CSMD1: variants seen among roughly 807,000 people sequenced by gnomAD.
The protein encoded by CSMD1 is CUB and Sushi multiple domains 1, also known as CUB and sushi domain-containing protein 1.
A neutral mutation model predicts 417.5 loss-of-function variants in CSMD1; 213 were observed. That is an observed-to-expected ratio of 0.51 (90% CI 0.46 to 0.57). CSMD1 has a LOEUF of 0.57. Among genes scored for constraint, CSMD1 ranks in the 20% least tolerant of loss-of-function variants. The pLI, the probability that CSMD1 is intolerant of heterozygous loss-of-function variation, is 0.00. For missense variants in CSMD1, 6,923 were observed against 4,529.7 expected (o/e 1.53, Z -15.17); for synonymous variants, 2,862 against 1,736.8 (o/e 1.65, Z -16.11).
At chr8:4,471,804 G>A (rs1443568389) in intron 2 of CSMD1, among the ~76,000 whole-genome samples, 2 of 152,138 alleles carry the variant, frequency 1.3e-5, no homozygotes, top group Non-Finnish European at 2.9e-5. Flanking sequence ...GATGTTAACA[G>A]GAAGCTGGCA....
At chr8:4,441,658 AT>A (rs1008281384) in intron 2 of CSMD1, among the ~76,000 whole-genome samples, 1 of 152,072 alleles carries the variant, frequency 6.6e-6, no homozygotes, top group Admixed American at 6.5e-5. Context: ...GAAAAGTCAC[AT>A]TTTTTTCTAA....
intron 18 of CSMD1, among the ~76,000 whole-genome samples, chr8:3,376,747 G>C (rs1181890849): frequency 6.6e-6 from 1 of 151,906 alleles, no homozygotes; most frequent in Admixed American, 6.6e-5. Flanking sequence ...ACCCAGCACA[G>C]ACACTGAGTT....
intron 3 of CSMD1, among the ~76,000 whole-genome samples, chr8:4,073,521 G>A (rs565402061): frequency 5.3e-5 from 8 of 152,270 alleles, no homozygotes; most frequent in South Asian, 2.1e-4. Flanking sequence ...GACCTGGGAT[G>A]TGTCTTAGTG....
At position 4,443,494 on chromosome 8, in the gene CSMD1, T is replaced by C. The variant is rs563582082; in HGVS notation, c.303-23429A>G. Among the ~76,000 whole-genome samples the C allele has an allele frequency of 5.1e-4, 77 of 152,352 alleles. 4 individuals carry two copies. In the South Asian group the frequency reaches 0.014, roughly 27 times the overall value. On this transcript the variant is annotated intron_variant, in intron 2 of 69. Coordinates refer to ENST00000635120, the MANE Select transcript of CSMD1 (RefSeq NM_033225.6). ...TCTTTTCATCTTATGTGTTTCTTTATATGCCACATATATTAACACCAGAAT... is the reference window on the plus strand; with the variant it reads ...TCTTTTCATCTTATGTGTTTCTTTACATGCCACATATATTAACACCAGAAT...
chr8:2,960,341 C>G (rs575783128), intron 62 of CSMD1, among the ~76,000 whole-genome samples: 2 of 152,132 alleles, frequency 1.3e-5, no homozygotes, highest in African/African-American at 4.8e-5. Context: ...TGTGTCCGAG[C>G]GAGAACAATG....
At chr8:3,780,773 G>T (rs529945074) in intron 5 of CSMD1, among the ~76,000 whole-genome samples, 8 of 152,260 alleles carry the variant, frequency 5.3e-5, no homozygotes, top group African/African-American at 1.7e-4. Flanking sequence ...CTTATACACA[G>T]ATTCATCTAA....
intron 1 of CSMD1, among the ~76,000 whole-genome samples, chr8:4,985,433 C>T (rs776161769): frequency 1.3e-5 from 2 of 152,156 alleles, no homozygotes; most frequent in Non-Finnish European, 2.9e-5. Context: ...TACAGTTATA[C>T]TGAACTGAGT....
At chr8:3,858,217 CA>C (rs1399134910) in intron 5 of CSMD1, among the ~76,000 whole-genome samples, 1 of 152,082 alleles carries the variant, frequency 6.6e-6, no homozygotes, top group African/African-American at 2.4e-5. Context: ...AATCATAATT[CA>C]AAGTAAAAGT....
chr8:4,355,969 TTTC>T (rs1801407377), intron 3 of CSMD1, among the ~76,000 whole-genome samples: 1 of 152,322 alleles, frequency 6.6e-6, no homozygotes, highest in South Asian at 2.1e-4. Flanking sequence ...ATGGATGTTC[TTTC>T]TTATTTTTTC....
At chr8:4,722,878 C>A (rs181263021) in intron 1 of CSMD1, among the ~76,000 whole-genome samples, 1 of 152,196 alleles carries the variant, frequency 6.6e-6, no homozygotes, top group East Asian at 1.9e-4. Context: ...AAAAAGATTT[C>A]TCCTCTGTGA....
intron 2 of CSMD1, among the ~76,000 whole-genome samples, chr8:4,440,996 CA>C (rs34791858): frequency 0.28 from 34,792 of 126,442 alleles, 4,952 homozygotes; most frequent in Middle Eastern, 0.44. Flanking sequence ...GACTCTATCT[CA>C]AAAAAAAAAA....
intron 3 of CSMD1, among the ~76,000 whole-genome samples, chr8:4,163,045 T>A (rs946013699): frequency 6.6e-6 from 1 of 152,254 alleles, no homozygotes; most frequent in Non-Finnish European, 1.5e-5. Context: ...CAGTTCACTC[T>A]ATGTCTTTGC....
intron 7 of CSMD1, among the ~76,000 whole-genome samples, chr8:3,705,129 G>T (rs1176780393): frequency 6.6e-6 from 1 of 152,206 alleles, no homozygotes; most frequent in Admixed American, 6.5e-5. Context: ...GCAAAAGGGT[G>T]AATCTGGGGA....
chr8:4,502,503 C>T (rs1341318323), intron 2 of CSMD1, among the ~76,000 whole-genome samples: 3 of 152,130 alleles, frequency 2.0e-5, no homozygotes, highest in Non-Finnish European at 2.9e-5. Flanking sequence ...AGGGCCATGA[C>T]CACGTCATTC....
intron 1 of CSMD1, among the ~76,000 whole-genome samples, chr8:4,815,477 C>CA (rs1470941243): frequency 2.0e-5 from 3 of 151,976 alleles, no homozygotes; most frequent in Non-Finnish European, 4.4e-5. Flanking sequence ...GGGAGCATCA[C>CA]ATGAGGTCAG....
At chr8:3,823,051 T>C (rs1801828839) in intron 5 of CSMD1, among the ~76,000 whole-genome samples, 2 of 152,188 alleles carry the variant, frequency 1.3e-5, no homozygotes, top group Admixed American at 6.5e-5. Flanking sequence ...TTATGATTTC[T>C]ATGGTTCCGG....
intron 11 of CSMD1, among the ~76,000 whole-genome samples, chr8:3,476,124 T>C (rs934782008): frequency 6.6e-6 from 1 of 152,154 alleles, no homozygotes; most frequent in Non-Finnish European, 1.5e-5. Context: ...GGGAAGACTA[T>C]TTGAGTCCAG....
At chr8:3,965,203 G>C (rs1222839844) in intron 5 of CSMD1, among the ~76,000 whole-genome samples, 3 of 152,118 alleles carry the variant, frequency 2.0e-5, no homozygotes, top group African/African-American at 7.2e-5. Context: ...AGACAAGGGC[G>C]GAAGGAGGGG....
At chr8:3,795,117 TATCTATC>T (rs1354100686) in intron 5 of CSMD1, among the ~76,000 whole-genome samples, 15 of 73,770 alleles carry the variant, frequency 2.0e-4, no homozygotes, top group East Asian at 4.8e-4. Context: ...CAGCTATAGA[TATCTATC>T]ATGTACAGCT....
Sources: allele counts gnomAD v4.1 joint callset (sites outside exome capture counted in the v4.1 genomes callset), GRCh38; gene constraint gnomAD v4.1.1; transcripts MANE v1.5; gene names NCBI Gene and HGNC (gene_info 2026-07-23, HGNC 2026-07-21).